Variants in CLHC1 observed in about 807,000 individuals in gnomAD.
CLHC1 encodes the protein clathrin heavy chain linker domain-containing protein 1.
Under a neutral mutation model 69.5 loss-of-function variants are expected in CLHC1, and 72 were observed. The observed-to-expected ratio is 1.04, with a 90% CI of 0.86 to 1.26. The LOEUF is 1.26. Among genes scored for constraint, CLHC1 ranks in the 50% most tolerant of loss-of-function variants. The pLI, the probability that CLHC1 is intolerant of heterozygous loss-of-function variation, is 0.00. For synonymous variants in CLHC1, 223 were observed against 224.3 expected (o/e 0.99, Z 0.05); for missense variants, 790 against 679.3 (o/e 1.16, Z -1.81).
At chr2:55,193,050 CCGG>C (rs60111160) in intron 9 of CLHC1, among the ~76,000 whole-genome samples, 47,803 of 151,450 alleles carry the variant, frequency 0.32, 7,843 homozygotes, top group African/African-American at 0.39. Context: ...GCCACCACAC[CCGG>C]CGGCTAATTT....
At chr2:55,215,687 G>A (rs1281435725) in intron 4 of CLHC1, among the ~76,000 whole-genome samples, 5 of 152,096 alleles carry the variant, frequency 3.3e-5, no homozygotes, top group Non-Finnish European at 5.9e-5. Flanking sequence ...ATACCAGGTG[G>A]AGCGATCTTG....
intron 5 of CLHC1, among the ~76,000 whole-genome samples, chr2:55,211,183 T>C (rs576122421): frequency 1.3e-5 from 2 of 152,186 alleles, no homozygotes; most frequent in South Asian, 2.1e-4. Flanking sequence ...TTATTCGTCA[T>C]TTGCTAGTCA....
chr2:55,223,509 C>A (rs964346045), intron 2 of CLHC1, among the ~76,000 whole-genome samples: 2 of 152,102 alleles, frequency 1.3e-5, no homozygotes, highest in African/African-American at 4.8e-5. Context: ...TCCGCGCCGG[C>A]GTGGCCTGCT....
chr2:55,221,475 G>C (rs1393868166), intron 3 of CLHC1, among the ~76,000 whole-genome samples: 1 of 152,050 alleles, frequency 6.6e-6, no homozygotes, highest in African/African-American at 2.4e-5. Context: ...GATAATTCTA[G>C]ATAGAACTCC....
At chr2:55,216,456 A>G (rs3762509) in intron 4 of CLHC1, among the ~76,000 whole-genome samples, 65,647 of 151,952 alleles carry the variant, frequency 0.43, 14,526 homozygotes, top group East Asian at 0.51. Flanking sequence ...TCAGATAGTA[A>G]TCATGAAATT....
At chr2:55,212,904 A>G in intron 4 of CLHC1, 98 bp from the exon 5 acceptor site, 1 of 885,134 alleles carries the variant, frequency 1.1e-6, no homozygotes, top group Non-Finnish European at 1.8e-6. Context: ...TTTATTTTGA[A>G]CCATTATGGA....
At chr2:55,207,410 C>T (rs1428423928) in intron 8 of CLHC1, among the ~76,000 whole-genome samples, 3 of 152,170 alleles carry the variant, frequency 2.0e-5, no homozygotes. Flanking sequence ...ATACATAAAA[C>T]TTTCAATCTC....
Position 55,209,532 on chromosome 2 carries a change from A to C in CLHC1, c.702-16T>G. The C allele has an allele frequency of 1.9e-6, 3 of 1,581,222 alleles. No homozygotes were observed. Among genetic ancestry groups the C allele is most frequent in the East Asian group, 2.2e-5 (1 of 44,704 alleles). ...TCTTTGATGACTAAAAAGATAAAAA[A>C]CGTCAATAACACACTGAGCCTAAAA... On this transcript the variant is annotated splice_polypyrimidine_tract_variant and intron_variant, in intron 6 of 12. Transcript: ENST00000401408.
In CLHC1 at chr2:55,216,540, C is replaced by CT. The variant is rs552641908; in HGVS notation, c.365+1270dup. Among the ~76,000 whole-genome samples the CT allele has an allele frequency of 1.1e-3, 158 of 148,324 alleles. 3 individuals are homozygous for CT. The highest frequency in any genetic ancestry group is 0.011 in the East Asian group (54 of 5,122). ...ATCCCTTATTTATTTTATTTTATTC[C>CT]TTTTTTTTTTCTTGAGATGGCGTCT... On this transcript the variant is annotated intron_variant, in intron 4 of 12. Transcript: ENST00000401408.
chr2:55,209,859 C>G (rs371742899), intron 5 of CLHC1, 28 bp from the exon 6 acceptor site: 16 of 1,477,224 alleles, frequency 1.1e-5, no homozygotes, highest in Non-Finnish European at 1.5e-5. Flanking sequence ...AAATCAAACA[C>G]GACAAGCCAT....
chr2:55,211,255 A>G (rs1672971558), intron 5 of CLHC1, among the ~76,000 whole-genome samples: 1 of 152,092 alleles, frequency 6.6e-6, no homozygotes, highest in African/African-American at 2.4e-5. Flanking sequence ...TAATCCCAGC[A>G]CTTTGGGAGG....
chr2:55,226,207 GAA>G (rs1287295885), intron 2 of CLHC1, among the ~76,000 whole-genome samples: 1 of 148,924 alleles, frequency 6.7e-6, no homozygotes, highest in Non-Finnish European at 1.5e-5. Context: ...AAAAAAAAGA[GAA>G]AGAGTTTTTA....
At chr2:55,186,627 G>A (rs559218752) in intron 9 of CLHC1, among the ~76,000 whole-genome samples, 8 of 152,130 alleles carry the variant, frequency 5.3e-5, no homozygotes, top group African/African-American at 1.9e-4. Context: ...AACCAGGCAT[G>A]GTGGGTATGC....
At chr2:55,229,244 C>A (rs1256311868) in intron 1 of CLHC1, among the ~76,000 whole-genome samples, 3 of 144,376 alleles carry the variant, frequency 2.1e-5, no homozygotes, top group Non-Finnish European at 4.6e-5. Context: ...AAAAATAAAA[C>A]AAGGTATGGG....
chr2:55,175,633 A>G lies in CLHC1; in HGVS notation c.*157T>C. 1.7e-6 allele frequency: 1 copy of G among 571,490 alleles called. No homozygotes were observed. Among genetic ancestry groups the G allele is most frequent in the Non-Finnish European group, 3.1e-6 (1 of 323,774 alleles). The allele number at this position is 571,490 out of a possible 1,614,324, so 35.4% of individuals were successfully genotyped here. A position where few individuals can be genotyped will look rare whatever the true frequency, so the allele number is the denominator to read the frequency against. ...AGGAAGCAATAGTATAAATATTTCA[A>G]AGACAAATCTAAATGTCATCATAAC... On this transcript the variant is annotated 3_prime_UTR_variant, in exon 13 of 13. Transcript: ENST00000401408.
At chr2:55,206,743 T>C (rs1672484763) in intron 8 of CLHC1, 1 of 214,732 alleles carries the variant, frequency 4.7e-6, no homozygotes, top group South Asian at 7.7e-5. Flanking sequence ...GAAAAAGTAC[T>C]GGCATCAGAG....
intron 2 of CLHC1, among the ~76,000 whole-genome samples, chr2:55,223,444 G>T (rs942914100): frequency 6.6e-6 from 1 of 152,214 alleles, no homozygotes; most frequent in African/African-American, 2.4e-5. Context: ...GGGCGAGCGC[G>T]CTGTGGGCCG....
chr2:55,232,509 G>A (rs1314327981), upstream of CLHC1: 2 of 461,338 alleles, frequency 4.3e-6, no homozygotes, highest in African/African-American at 3.9e-5. Context: ...AAAGCATTCC[G>A]AAGGCTAAAG....
At chr2:55,229,398 G>A (rs1440945364) in intron 1 of CLHC1, among the ~76,000 whole-genome samples, 1 of 152,058 alleles carries the variant, frequency 6.6e-6, no homozygotes, top group Non-Finnish European at 1.5e-5. Flanking sequence ...GAGTGGTTGA[G>A]GCAAAGAGAG....
Sources: allele counts gnomAD v4.1 joint callset (sites outside exome capture counted in the v4.1 genomes callset), GRCh38; gene constraint gnomAD v4.1.1; transcripts MANE v1.5; gene names NCBI Gene and HGNC (gene_info 2026-07-23, HGNC 2026-07-21).